The following TEF variants were observed in gnomAD, a reference collection of about 807,000 sequenced individuals.
TEF encodes the protein TEF transcription factor, PAR bZIP family member, also known as thyrotroph embryonic factor.
A neutral mutation model predicts 20.8 loss-of-function variants in TEF; 3 were observed. The ratio of observed to expected loss-of-function variants is 0.14; its 90% CI spans 0.07 to 0.37. The LOEUF is 0.37. Among genes scored for constraint, TEF ranks in the 10% least tolerant of loss-of-function variants. The pLI is 1.00. For missense variants in TEF, 296 were observed against 397.9 expected, an observed-to-expected ratio of 0.74 and a Z score of 2.18; for synonymous variants, 180 against 171.1, an observed-to-expected ratio of 1.05 and a Z score of -0.41.
intron 2 of TEF, among the ~76,000 whole-genome samples, chr22:41,391,744 T>G (rs2037169498): frequency 2.6e-5 from 4 of 151,894 alleles, no homozygotes; most frequent in Admixed American, 2.6e-4. Flanking sequence ...TGCCTCAGTC[T>G]CCTGAGTAGC....
In TEF at chr22:41,394,297, T is replaced by C; in HGVS notation, c.677T>C (p.Phe226Ser). The change falls in exon 3 of 4, where the codon TTT becomes TCT. Residue 226 changes from phenylalanine (F) to serine (S), a missense_variant. Phe to Ser is a radical substitution (Grantham distance 155). Coordinates refer to ENST00000266304, the MANE Select transcript of TEF (RefSeq NM_003216.4). ...QPMIKKAKKV[F>S]VPDEQKDEKY... ...ATGATCAAAAAGGCCAAGAAGGTCT[T>C]TGTCCCCGACGAGCAGAAGGTAACC... 1.2e-6 allele frequency: 2 copies of C among 1,613,946 alleles called. No homozygotes were observed. Among genetic ancestry groups the C allele is most frequent in the Non-Finnish European group, 1.7e-6 (2 of 1,179,988 alleles).
rs2037246887 is a variant in TEF at position 41,397,676 on chromosome 22, A to T, written c.*1716A>T. ...GGTCACTCCTCCCTCCAGGCCCCTGACTTTTACTTTGTGGTTCTCTAAAAA... is the reference window on the plus strand; with the variant it reads ...GGTCACTCCTCCCTCCAGGCCCCTGTCTTTTACTTTGTGGTTCTCTAAAAA... On this transcript the variant is annotated 3_prime_UTR_variant, in exon 4 of 4. Transcript: ENST00000266304. 6.6e-6 allele frequency: 1 copy of T among 152,240 alleles called. No individual in the cohort carries two copies. The highest frequency in any genetic ancestry group is 6.5e-5 in the Admixed American group (1 of 15,272). 9.4% of individuals were successfully genotyped at this position (152,240 alleles called of 1,614,324 possible). A position where few individuals can be genotyped will look rare whatever the true frequency, so the allele number is the denominator to read the frequency against.
At chr22:41,384,652 C>T (rs548423301) in intron 1 of TEF, among the ~76,000 whole-genome samples, 1 of 152,312 alleles carries the variant, frequency 6.6e-6, no homozygotes, top group East Asian at 1.9e-4. Flanking sequence ...CGTCTGCCTA[C>T]CCCTTGTTGG....
chr22:41,399,178 CAG>C lies in TEF; in HGVS notation c.*3223_*3224del, dbSNP rs2037264406. The C allele has an allele frequency of 1.3e-5, 2 of 152,590 alleles. No homozygotes were observed. Among genetic ancestry groups the C allele is most frequent in the African/African-American group, 2.4e-5 (1 of 41,422 alleles). The allele number at this position is 152,590 out of a possible 1,614,324, so 9.5% of individuals were successfully genotyped here. On this transcript the variant is annotated 3_prime_UTR_variant, in exon 4 of 4. Coordinates refer to ENST00000266304, the MANE Select transcript of TEF (RefSeq NM_003216.4). The stretch of plus-strand genomic sequence containing the variant: ...AAGAGAGAAATTCCTTCTTCCCAGC[CAG>C]AGAGGGCAGAAGCAGACCGTAGCCC...
chr22:41,374,590 C>T (rs1047975721), intron 1 of TEF, among the ~76,000 whole-genome samples: 15 of 151,480 alleles, frequency 9.9e-5, no homozygotes, highest in Non-Finnish European at 2.1e-4. Context: ...GCAGTGCACA[C>T]CTGAAATCCG....
upstream of TEF, among the ~76,000 whole-genome samples, chr22:41,381,219 G>A (rs901469135): frequency 6.6e-6 from 1 of 152,224 alleles, no homozygotes; most frequent in Non-Finnish European, 1.5e-5. Context: ...GGTCGCGTGG[G>A]AGCAGAAGTG....
chr22:41,375,946 G>C (rs1407170535), intron 1 of TEF, among the ~76,000 whole-genome samples: 1 of 152,054 alleles, frequency 6.6e-6, no homozygotes, highest in Non-Finnish European at 1.5e-5. Flanking sequence ...ACAGATAACC[G>C]GGCTTTCTTA....
chr22:41,382,208 GC>G lies in TEF; in HGVS notation c.157+8del. 1 of 1,231,418 alleles carries G rather than the reference GC, an allele frequency of 8.1e-7. No homozygotes were observed. Among genetic ancestry groups the G allele is most frequent in the Non-Finnish European group, 1.0e-6 (1 of 987,628 alleles). 76.3% of individuals were successfully genotyped at this position (1,231,418 alleles called of 1,614,324 possible). ...CCGCGCGAGGCGCGCCTCGGTGAGGGCGGGGGGGTGGTCCGCGCGGGCTGGG... is the reference window on the plus strand; with the variant it reads ...CCGCGCGAGGCGCGCCTCGGTGAGGGGGGGGGGTGGTCCGCGCGGGCTGGG... On this transcript the variant is annotated splice_region_variant and intron_variant, in intron 1 of 3. Coordinates refer to ENST00000266304, the MANE Select transcript of TEF (RefSeq NM_003216.4).
rs575085535 is a variant in TEF at position 41,371,492 on chromosome 22, C to T, written c.67+3893C>T. ...TCTACAACCCACTGGTTGGGACTTGCCCCCCTCTCTCTCCATCTCCAGACT... is the reference window on the plus strand; with the variant it reads ...TCTACAACCCACTGGTTGGGACTTGTCCCCCTCTCTCTCCATCTCCAGACT... On this transcript the variant is annotated intron_variant, in intron 1 of 3. Transcript: ENST00000406644. Among the ~76,000 whole-genome samples the T allele has an allele frequency of 1.5e-4, 22 of 149,878 alleles. No homozygotes were observed. In the South Asian group the frequency reaches 4.2e-3, roughly 28 times the overall value.
At chr22:41,381,932 G>A, upstream of TEF, 1 of 1,226,348 alleles carries the variant, frequency 8.2e-7, no homozygotes, top group Non-Finnish European at 1.0e-6. Context: ...GGGCGCCATT[G>A]GGCGCCTGCG....
chr22:41,381,606 G>A (rs961937706), upstream of TEF, among the ~76,000 whole-genome samples: 77 of 152,314 alleles, frequency 5.1e-4, 1 homozygote, highest in Middle Eastern at 6.8e-3. Flanking sequence ...CGGGGGTTAT[G>A]AAGAGGGCGG....
chr22:41,387,702 C>G (rs925709791), intron 2 of TEF, 34 bp downstream of exon 2: 2 of 1,571,706 alleles, frequency 1.3e-6, no homozygotes, highest in African/African-American at 1.4e-5. Context: ...GGCCACCTGT[C>G]CCATCCAGGG....
intron 2 of TEF, among the ~76,000 whole-genome samples, chr22:41,388,844 AT>A (rs201814440): frequency 2.0e-5 from 3 of 150,888 alleles, no homozygotes; most frequent in South Asian, 2.1e-4. Context: ...CTCATACTCT[AT>A]TTTTTTTTCT....
chr22:41,381,706 G>C (rs2037025766), upstream of TEF, among the ~76,000 whole-genome samples: 1 of 152,062 alleles, frequency 6.6e-6, no homozygotes, highest in South Asian at 2.1e-4. Context: ...GGGACACAGG[G>C]GCGGCGGGGC....
At chr22:41,381,163 G>A (rs2037012844), upstream of TEF, among the ~76,000 whole-genome samples, 1 of 152,354 alleles carries the variant, frequency 6.6e-6, no homozygotes, top group Middle Eastern at 3.4e-3. Flanking sequence ...CCATCCCTAC[G>A]ACTTGGCAGG....
At chr22:41,382,788 G>C (rs1013572936) in intron 1 of TEF, 3 of 410,688 alleles carry the variant, frequency 7.3e-6, no homozygotes, top group East Asian at 7.2e-5. Context: ...CGGGTGGGGG[G>C]GGTGTGGGCG....
chr22:41,372,338 G>A (rs1022867376), intron 1 of TEF, among the ~76,000 whole-genome samples: 2 of 152,134 alleles, frequency 1.3e-5, no homozygotes, highest in African/African-American at 2.4e-5. Flanking sequence ...GGCATGTCGA[G>A]GAGTGATCCT....
At chr22:41,393,175 TA>T (rs1263571882) in intron 2 of TEF, among the ~76,000 whole-genome samples, 1 of 151,306 alleles carries the variant, frequency 6.6e-6, no homozygotes, top group African/African-American at 2.4e-5. Context: ...ACCCTGTCTC[TA>T]AAAAATAAAA....
At chr22:41,372,742 G>GA (rs1328342116) in intron 1 of TEF, among the ~76,000 whole-genome samples, 2 of 152,090 alleles carry the variant, frequency 1.3e-5, no homozygotes, top group African/African-American at 4.8e-5. Context: ...TTCTAGAGGG[G>GA]AGAGAGAATC....
Sources: allele counts gnomAD v4.1 joint callset (sites outside exome capture counted in the v4.1 genomes callset), GRCh38; gene constraint gnomAD v4.1.1; transcripts MANE v1.5; gene names NCBI Gene and HGNC (gene_info 2026-07-23, HGNC 2026-07-21).